Variants in HPCAL1 observed in about 807,000 individuals in gnomAD.
HPCAL1 encodes the protein hippocalcin-like protein 1.
HPCAL1 carries 8 observed loss-of-function variants against 17.1 expected under a neutral mutation model. That is an observed-to-expected ratio of 0.47 (90% CI 0.27 to 0.84). HPCAL1 has a LOEUF of 0.84. HPCAL1 is among the 40% of genes least tolerant of loss of function. HPCAL1 has a pLI of 0.13. For synonymous variants in HPCAL1, 112 were observed against 111.4 expected (o/e 1.01, Z -0.03); for missense variants, 165 against 271.1 (o/e 0.61, Z 2.75).
chr2:10,395,599 G>A lies in HPCAL1; in HGVS notation c.-110-1236G>A, dbSNP rs1668972123. Reference sequence around the variant, plus strand: ...GTGAACAAGCCACTTCGTCTAGTGGGTGCTTGTAAAGCGGGATCGTTGCTA... The same window carrying A: ...GTGAACAAGCCACTTCGTCTAGTGGATGCTTGTAAAGCGGGATCGTTGCTA... On this transcript the variant is annotated intron_variant, in intron 1 of 4. Transcript: ENST00000307845. This position sits in a 1 kb window ranked among gnomAD's most constrained non-coding sequence, Gnocchi z 4.4. Among the ~76,000 whole-genome samples the A allele has an allele frequency of 6.6e-6, 1 of 152,200 alleles. No individual in the cohort carries two copies. The highest frequency in any genetic ancestry group is 2.4e-5 in the African/African-American group (1 of 41,454).
chr2:10,409,777 CTTTTTTTTTTTTTTT>C (rs34031495), intron 2 of HPCAL1, among the ~76,000 whole-genome samples: 1 of 62,506 alleles, frequency 1.6e-5, no homozygotes, highest in Admixed American at 2.1e-4. Context: ...GAGCCTCAGT[CTTTTTTTTTTTTTTT>C]TTTTTTTTTT....
intron 1 of HPCAL1, among the ~76,000 whole-genome samples, chr2:10,382,593 TA>T (rs70948887): frequency 0.31 from 39,294 of 127,900 alleles, 5,826 homozygotes; most frequent in Non-Finnish European, 0.35. Flanking sequence ...GTTCATTAAT[TA>T]AAAAAAAAAA....
chr2:10,399,301 C>G (rs916365619), intron 2 of HPCAL1, among the ~76,000 whole-genome samples: 1 of 46,760 alleles, frequency 2.1e-5, no homozygotes, highest in African/African-American at 8.9e-5. Context: ...ACCACCATCA[C>G]CACCACCACC....
At chr2:10,334,367 G>A (rs1324195919) in intron 1 of HPCAL1, among the ~76,000 whole-genome samples, 1 of 151,996 alleles carries the variant, frequency 6.6e-6, no homozygotes, top group Non-Finnish European at 1.5e-5. Flanking sequence ...AGTTAGGTGG[G>A]TGCAGCATCA....
At chr2:10,308,105 A>C (rs1017491618) in intron 1 of HPCAL1, among the ~76,000 whole-genome samples, 1 of 152,006 alleles carries the variant, frequency 6.6e-6, no homozygotes, top group Non-Finnish European at 1.5e-5. Flanking sequence ...CTACCCCAGT[A>C]TAGGGGGCTC....
intron 4 of HPCAL1, 60 bp from the exon 5 acceptor site, chr2:10,426,664 C>T: frequency 3.6e-6 from 5 of 1,370,426 alleles, no homozygotes; most frequent in Non-Finnish European, 5.2e-6. Context: ...TCCCCATCCT[C>T]TCTGGAAGCA....
chr2:10,382,388 C>T (rs1668009950), intron 1 of HPCAL1, among the ~76,000 whole-genome samples: 1 of 152,014 alleles, frequency 6.6e-6, no homozygotes, highest in Non-Finnish European at 1.5e-5. Context: ...TGTCAAAACC[C>T]ATAGAATATA....
At chr2:10,415,952 G>A (rs1670640023) in intron 2 of HPCAL1, among the ~76,000 whole-genome samples, 1 of 152,216 alleles carries the variant, frequency 6.6e-6, no homozygotes, top group South Asian at 2.1e-4. Context: ...GAGGGCCAGG[G>A]CAGAAAGCAC....
Position 10,367,188 on chromosome 2 carries a change from T to C in HPCAL1, c.-110-29647T>C, listed in dbSNP as rs994292076. On this transcript the variant is annotated intron_variant, in intron 1 of 4. Coordinates refer to ENST00000307845, the MANE Select transcript of HPCAL1 (RefSeq NM_002149.4). The surrounding 1 kb of genome is among the most constrained non-coding windows in gnomAD (Gnocchi z 4.4). Reference sequence around the variant, plus strand: ...CATCTGCTTGGGACTTGAGGGTAACTTCATCTCTCAAAATAGGCTGAGACT... The same window carrying C: ...CATCTGCTTGGGACTTGAGGGTAACCTCATCTCTCAAAATAGGCTGAGACT... Among the ~76,000 whole-genome samples, 10 of 151,954 alleles carry C rather than the reference T, an allele frequency of 6.6e-5. No homozygotes were observed. Among genetic ancestry groups the C allele is most frequent in the Admixed American group, 3.3e-4 (5 of 15,246 alleles).
At chr2:10,388,977 C>G (rs1046381821) in intron 1 of HPCAL1, among the ~76,000 whole-genome samples, 3 of 152,106 alleles carry the variant, frequency 2.0e-5, no homozygotes, top group Non-Finnish European at 4.4e-5. Context: ...TGCTGTCTAC[C>G]AGGCAAGTAT....
intron 1 of HPCAL1, among the ~76,000 whole-genome samples, chr2:10,319,852 G>A (rs767167665): frequency 6.6e-6 from 1 of 151,996 alleles, no homozygotes; most frequent in East Asian, 1.9e-4. Flanking sequence ...TTTCCCAGCC[G>A]ACTTATGCCT....
At chr2:10,347,361 C>T (rs914259478) in intron 1 of HPCAL1, among the ~76,000 whole-genome samples, 1 of 152,192 alleles carries the variant, frequency 6.6e-6, no homozygotes, top group Admixed American at 6.5e-5. Flanking sequence ...TGTGCTGGGA[C>T]TGACTTGGCT....
At chr2:10,403,638 A>G (rs1669784939) in intron 2 of HPCAL1, among the ~76,000 whole-genome samples, 1 of 152,058 alleles carries the variant, frequency 6.6e-6, no homozygotes, top group Non-Finnish European at 1.5e-5. Flanking sequence ...GCCTGCCATC[A>G]TGCCTGGCTA....
intron 1 of HPCAL1, among the ~76,000 whole-genome samples, chr2:10,341,529 A>G (rs1428919478): frequency 1.3e-5 from 2 of 151,974 alleles, no homozygotes; most frequent in African/African-American, 2.4e-5. Flanking sequence ...TAGTAGGCTC[A>G]GGAATGACCA....
chr2:10,376,684 G>A (rs1393779620), intron 1 of HPCAL1, among the ~76,000 whole-genome samples: 6 of 152,056 alleles, frequency 3.9e-5, no homozygotes, highest in African/African-American at 4.8e-5. Flanking sequence ...TGATCTGCCC[G>A]CCTCGGCTTC....
At chr2:10,379,541 C>T (rs908456166) in intron 1 of HPCAL1, among the ~76,000 whole-genome samples, 12 of 151,780 alleles carry the variant, frequency 7.9e-5, no homozygotes, top group African/African-American at 2.9e-4. Flanking sequence ...GCAGATGGTC[C>T]GATGGCCCGG....
chr2:10,414,551 T>C (rs1670540857), intron 2 of HPCAL1, among the ~76,000 whole-genome samples: 1 of 152,194 alleles, frequency 6.6e-6, no homozygotes, highest in African/African-American at 2.4e-5. Flanking sequence ...GGGCCCACCC[T>C]GGTGACCTCA....
At chr2:10,341,809 A>G (rs556455863) in intron 1 of HPCAL1, among the ~76,000 whole-genome samples, 1 of 152,058 alleles carries the variant, frequency 6.6e-6, no homozygotes, top group East Asian at 1.9e-4. Flanking sequence ...CACGGGAAAA[A>G]TTCAAATGTT....
chr2:10,407,298 A>G (rs1296766613), intron 2 of HPCAL1, among the ~76,000 whole-genome samples: 1 of 152,140 alleles, frequency 6.6e-6, no homozygotes, highest in Admixed American at 6.5e-5. Flanking sequence ...TGAGCAGGAG[A>G]GCACTTGACC....
Sources: allele counts gnomAD v4.1 joint callset (sites outside exome capture counted in the v4.1 genomes callset), GRCh38; gene constraint gnomAD v4.1.1; non-coding constraint Gnocchi (gnomAD v3.1); transcripts MANE v1.5; gene names NCBI Gene and HGNC (gene_info 2026-07-23, HGNC 2026-07-21).